Variants in PLEKHM3 observed in about 807,000 individuals in gnomAD.
PLEKHM3 encodes pleckstrin homology domain-containing family M member 3.
In PLEKHM3, 45 loss-of-function variants were observed where a neutral mutation model predicts 81.8. The ratio of observed to expected loss-of-function variants is 0.55; its 90% CI spans 0.43 to 0.71. PLEKHM3 has a LOEUF of 0.71. Among genes scored for constraint, PLEKHM3 ranks in the 30% least tolerant of loss-of-function variants. The pLI is 0.00. For synonymous variants in PLEKHM3, 352 were observed against 356.4 expected (o/e 0.99, Z 0.14); for missense variants, 788 against 924.3 (o/e 0.85, Z 1.91).
At position 207,865,801 on chromosome 2, in the gene PLEKHM3, A is replaced by AAAAAAAAAAAAATATATATAT; in HGVS notation, c.1951-4540_1951-4539insATATATATATTTTTTTTTTTT. On this transcript the variant is annotated intron_variant, in intron 6 of 7. Coordinates refer to ENST00000427836, the MANE Select transcript of PLEKHM3 (RefSeq NM_001080475.3). ...CGACTCAAAAAAAAAAAAAAAAAAA[A>AAAAAAAAAAAAATATATATAT]AGATATATATATATATATATATATA... is the stretch of plus-strand genomic sequence containing the variant. Among the ~76,000 whole-genome samples the AAAAAAAAAAAAATATATATAT allele has an allele frequency of 7.9e-5, 2 of 25,300 alleles. 1 individual carries two copies. The highest frequency in any genetic ancestry group is 1.5e-4 in the Non-Finnish European group (2 of 13,198). 16.6% of individuals were successfully genotyped at this position (25,300 alleles called of 152,430 possible). A position where few individuals can be genotyped will look rare whatever the true frequency, so the allele number is the denominator to read the frequency against.
intron 5 of PLEKHM3, among the ~76,000 whole-genome samples, chr2:207,923,449 A>G (rs930670797): frequency 3.3e-5 from 5 of 151,992 alleles, no homozygotes; most frequent in Admixed American, 3.3e-4. Flanking sequence ...CTCTACAAAA[A>G]ACACAAAATT....
intron 1 of PLEKHM3, among the ~76,000 whole-genome samples, chr2:208,008,307 G>A (rs1692566324): frequency 6.6e-6 from 1 of 151,398 alleles, no homozygotes; most frequent in Admixed American, 6.6e-5. Flanking sequence ...AATACTTGTA[G>A]AAACTCTGGT....
At position 207,853,702 on chromosome 2, in the gene PLEKHM3, C is replaced by T. The variant is rs540461049; in HGVS notation, c.2108+7403G>A. On this transcript the variant is annotated intron_variant, in intron 7 of 7. Coordinates refer to ENST00000427836, the MANE Select transcript of PLEKHM3 (RefSeq NM_001080475.3). ...TGAGCCGAGATCATGCCACTGCACT[C>T]CAGCCTTGGCGACCTAGCAAGTCGC... is the stretch of plus-strand genomic sequence containing the variant. Among the ~76,000 whole-genome samples, 267 of 152,252 alleles carry T rather than the reference C, an allele frequency of 1.8e-3. 1 individual carries two copies. The highest frequency in any genetic ancestry group is 1.6e-3 in the Admixed American group (25 of 15,294).
intron 2 of PLEKHM3, among the ~76,000 whole-genome samples, chr2:207,985,987 CAAAAAA>C (rs35964669): frequency 8.3e-6 from 1 of 120,888 alleles, no homozygotes. Context: ...GACTCCGTCT[CAAAAAA>C]AAAAAAAAAA....
At chr2:207,855,616 A>C (rs977731880) in intron 7 of PLEKHM3, among the ~76,000 whole-genome samples, 1 of 152,172 alleles carries the variant, frequency 6.6e-6, no homozygotes, top group African/African-American at 2.4e-5. Flanking sequence ...CACAAACACT[A>C]CAGTGATGTC....
At chr2:207,969,374 C>A (rs1574454642) in intron 3 of PLEKHM3, among the ~76,000 whole-genome samples, 1 of 152,338 alleles carries the variant, frequency 6.6e-6, no homozygotes, top group East Asian at 1.9e-4. Flanking sequence ...CTGCTTACTT[C>A]CAGACTGGCA....
chr2:208,004,413 G>C (rs1159115346), intron 1 of PLEKHM3, among the ~76,000 whole-genome samples: 1 of 91,774 alleles, frequency 1.1e-5, no homozygotes, highest in Non-Finnish European at 3.0e-5. Context: ...GCAATGCCCT[G>C]TCTCAAAAAA....
chr2:207,911,349 T>A (rs1392371127), intron 5 of PLEKHM3, among the ~76,000 whole-genome samples: 2 of 152,260 alleles, frequency 1.3e-5, no homozygotes, highest in Non-Finnish European at 2.9e-5. Context: ...CCACAGTTCC[T>A]AACATTTCTC....
intron 6 of PLEKHM3, among the ~76,000 whole-genome samples, chr2:207,899,522 T>C (rs1688349505): frequency 6.6e-6 from 1 of 152,152 alleles, no homozygotes; most frequent in African/African-American, 2.4e-5. Flanking sequence ...GCTGAATGAA[T>C]AAATGAATAG....
rs186764667 is a variant in PLEKHM3, at chr2:207,955,823, A to G, written c.1547-9311T>C. Among the ~76,000 whole-genome samples, 38 of 152,364 alleles carry G rather than the reference A, an allele frequency of 2.5e-4. No homozygotes were observed. The East Asian group carries it at 5.0e-3, about 20-fold the overall frequency. ...TAAAAGAACATAATTTAGCTCATCA[A>G]TGAATATAGCCTGGGACATCACAGG... On this transcript the variant is annotated intron_variant, in intron 3 of 7. Transcript: ENST00000427836.
rs2092243811 is a variant in PLEKHM3, at chr2:207,825,517, A to T, written c.*2802T>A. The stretch of plus-strand genomic sequence containing the variant: ...GCTTTTGTTTCGACAGTTTCTAAGC[A>T]GTGGAACAATTACCTAACAGTGCAC... On this transcript the variant is annotated 3_prime_UTR_variant, in exon 8 of 8. Coordinates refer to ENST00000427836, the MANE Select transcript of PLEKHM3 (RefSeq NM_001080475.3). The T allele has an allele frequency of 6.6e-6, 1 of 152,244 alleles. No individual in the cohort carries two copies. The highest frequency in any genetic ancestry group is 1.5e-5 in the Non-Finnish European group (1 of 68,036). 9.4% of individuals were successfully genotyped at this position (152,244 alleles called of 1,614,324 possible).
At chr2:208,008,174 G>T (rs1055958732) in intron 1 of PLEKHM3, among the ~76,000 whole-genome samples, 4 of 151,980 alleles carry the variant, frequency 2.6e-5, no homozygotes, top group Non-Finnish European at 5.9e-5. Context: ...GGAGTTCAAG[G>T]TCGTAGTAAG....
At chr2:207,863,723 T>A (rs1156792065) in intron 6 of PLEKHM3, among the ~76,000 whole-genome samples, 3 of 152,140 alleles carry the variant, frequency 2.0e-5, no homozygotes, top group African/African-American at 7.2e-5. Context: ...AGATAGGACC[T>A]CAGAGATGCA....
At chr2:207,992,726 G>T (rs1179738475) in intron 2 of PLEKHM3, among the ~76,000 whole-genome samples, 1 of 148,948 alleles carries the variant, frequency 6.7e-6, no homozygotes, top group Non-Finnish European at 1.5e-5. Context: ...AAGTGAAAGG[G>T]AAGAAAAAAA....
chr2:207,972,517 G>A (rs1226911784), intron 3 of PLEKHM3, among the ~76,000 whole-genome samples: 1 of 151,392 alleles, frequency 6.6e-6, no homozygotes, highest in African/African-American at 2.4e-5. Flanking sequence ...AACCCAGGAG[G>A]CGGAGGTTGC....
intron 2 of PLEKHM3, among the ~76,000 whole-genome samples, chr2:207,981,544 A>G (rs1691524322): frequency 6.6e-6 from 1 of 151,918 alleles, no homozygotes; most frequent in African/African-American, 2.4e-5. Flanking sequence ...AAGGAATCTT[A>G]CTCTGTTGCC....
At chr2:207,996,709 T>C (rs1441999983) in intron 2 of PLEKHM3, among the ~76,000 whole-genome samples, 1 of 152,100 alleles carries the variant, frequency 6.6e-6, no homozygotes, top group Non-Finnish European at 1.5e-5. Flanking sequence ...AACAAACCAG[T>C]TAATAACTAT....
chr2:207,897,247 G>A lies in PLEKHM3; in HGVS notation c.1950+11267C>T, dbSNP rs569407217. Among the ~76,000 whole-genome samples, 73 of 152,286 alleles carry A rather than the reference G, an allele frequency of 4.8e-4. No individual in the cohort carries two copies. The South Asian group carries it at 0.015, about 31-fold the overall frequency. ...AGATTCCCCTACGGAACATGAGGGG[G>A]AAAACTGAGACATAGCAAGCATTGC... On this transcript the variant is annotated intron_variant, in intron 6 of 7. Coordinates refer to ENST00000427836, the MANE Select transcript of PLEKHM3 (RefSeq NM_001080475.3).
At chr2:207,863,914 A>AAT (rs1553545773) in intron 6 of PLEKHM3, among the ~76,000 whole-genome samples, 47 of 150,304 alleles carry the variant, frequency 3.1e-4, no homozygotes, top group Non-Finnish European at 4.7e-4. Context: ...AAGCAAAAAA[A>AAT]ATATATATAT....
Sources: gnomAD v4.1 joint callset for allele counts (sites outside exome capture counted in the v4.1 genomes callset) on GRCh38, gnomAD v4.1.1 for gene constraint, MANE v1.5 for transcripts, NCBI Gene and HGNC (gene_info 2026-07-23, HGNC 2026-07-21) for gene names.